CPPED1: variants seen among roughly 807,000 people sequenced by gnomAD.
CPPED1 encodes serine/threonine-protein phosphatase CPPED1.
CPPED1 carries 28 observed loss-of-function variants against 28.0 expected under a neutral mutation model. The observed-to-expected ratio is 1.00, with a 90% CI of 0.74 to 1.37. The LOEUF (loss-of-function observed/expected upper bound fraction) is 1.37, where lower values mean the gene tolerates loss of function less well. Ranked by LOEUF, CPPED1 falls within the 40% of genes most tolerant of loss-of-function variation. The pLI, the probability that CPPED1 is intolerant of heterozygous loss-of-function variation, is 0.00. For missense variants in CPPED1, 504 were observed against 416.5 expected (o/e 1.21, Z -1.83); for synonymous variants, 198 against 180.2 (o/e 1.10, Z -0.79).
intron 3 of CPPED1, among the ~76,000 whole-genome samples, chr16:12,683,539 C>A (rs2079916909): frequency 6.6e-6 from 1 of 152,190 alleles, no homozygotes; most frequent in Admixed American, 6.5e-5. Context: ...GCAAGCTCTG[C>A]AAACTCAACC....
intron 2 of CPPED1, among the ~76,000 whole-genome samples, chr16:12,775,974 C>T (rs750232845): frequency 7.9e-5 from 12 of 152,122 alleles, no homozygotes; most frequent in Non-Finnish European, 1.5e-4. Flanking sequence ...CAGAGATGTT[C>T]GACATCCTAA....
intron 2 of CPPED1, among the ~76,000 whole-genome samples, chr16:12,740,021 G>A (rs576818010): frequency 4.9e-5 from 6 of 122,250 alleles, no homozygotes; most frequent in East Asian, 4.4e-4. Context: ...AAAGAAAGAC[G>A]AAAGAAAGAA....
chr16:12,746,822 T>G (rs1466138401), intron 2 of CPPED1, among the ~76,000 whole-genome samples: 1 of 152,122 alleles, frequency 6.6e-6, no homozygotes, highest in Non-Finnish European at 1.5e-5. Context: ...TGATATCGCT[T>G]GCAGGTGGAC....
intron 2 of CPPED1, among the ~76,000 whole-genome samples, chr16:12,725,754 A>G (rs2080166828): frequency 6.6e-6 from 1 of 152,230 alleles, no homozygotes; most frequent in Non-Finnish European, 1.5e-5. Context: ...GAATGAAAAC[A>G]CGTCTTAGAT....
At chr16:12,688,924 T>G (rs2079947813) in intron 3 of CPPED1, among the ~76,000 whole-genome samples, 1 of 152,230 alleles carries the variant, frequency 6.6e-6, no homozygotes, top group African/African-American at 2.4e-5. Context: ...TGGCCTTACT[T>G]ACCAAGACTG....
At chr16:12,716,179 C>T (rs2080106151) in intron 2 of CPPED1, among the ~76,000 whole-genome samples, 1 of 152,226 alleles carries the variant, frequency 6.6e-6, no homozygotes, top group Non-Finnish European at 1.5e-5. Flanking sequence ...CATGTTACTT[C>T]TGGTCAAGGT....
intron 2 of CPPED1, among the ~76,000 whole-genome samples, chr16:12,727,498 G>A (rs1045834846): frequency 1.3e-5 from 2 of 152,052 alleles, no homozygotes; most frequent in Admixed American, 6.6e-5. Context: ...GACCACAGGC[G>A]TATACCACCA....
chr16:12,690,662 C>CAAAAAAAAAAAAAAAAAAAA (rs748989286), intron 3 of CPPED1, among the ~76,000 whole-genome samples: 1 of 94,678 alleles, frequency 1.1e-5, no homozygotes, highest in African/African-American at 3.5e-5. Flanking sequence ...TAGTTTCTAC[C>CAAAAAAAAAAAAAAAAAAAA]AAAAAAAAAA....
At chr16:12,792,906 T>A (rs2080605285) in intron 1 of CPPED1, among the ~76,000 whole-genome samples, 1 of 152,166 alleles carries the variant, frequency 6.6e-6, no homozygotes, top group South Asian at 2.1e-4. Flanking sequence ...TCTGTCTTTA[T>A]TAGCAGCATG....
intron 2 of CPPED1, among the ~76,000 whole-genome samples, chr16:12,754,870 G>A (rs886240712): frequency 2.0e-5 from 3 of 152,138 alleles, no homozygotes; most frequent in Middle Eastern, 3.4e-3. Flanking sequence ...AAATTAGGCC[G>A]GCATGGTGGT....
chr16:12,771,083 T>C (rs1315828118), intron 2 of CPPED1, among the ~76,000 whole-genome samples: 1 of 152,152 alleles, frequency 6.6e-6, no homozygotes, highest in Non-Finnish European at 1.5e-5. Context: ...AATAAAAAGA[T>C]CCGTATCTAC....
intron 2 of CPPED1, among the ~76,000 whole-genome samples, chr16:12,741,071 A>G (rs2080252737): frequency 6.6e-6 from 1 of 152,234 alleles, no homozygotes; most frequent in Non-Finnish European, 1.5e-5. Flanking sequence ...TTTCTAAAAC[A>G]GGAAAACTGC....
At chr16:12,747,713 C>G (rs542906280) in intron 2 of CPPED1, among the ~76,000 whole-genome samples, 1 of 152,098 alleles carries the variant, frequency 6.6e-6, no homozygotes, top group African/African-American at 2.4e-5. Context: ...CCACCGCGCC[C>G]GGCCTTAACG....
chr16:12,751,476 T>C lies in CPPED1; in HGVS notation c.289+29709A>G, dbSNP rs141043444. On this transcript the variant is annotated intron_variant, in intron 2 of 3. Coordinates refer to ENST00000381774, the MANE Select transcript of CPPED1 (RefSeq NM_018340.3). ...TGGATAGACCTCCTTGAAAAGTCCT[T>C]TTGCTACTGACCTTTCCTCCTTCGT... 1.2e-4 allele frequency among the ~76,000 whole-genome samples: 18 copies of C among 152,330 alleles called. No individual in the cohort carries two copies. In the East Asian group the frequency reaches 3.3e-3, roughly 28 times the overall value.
intron 3 of CPPED1, among the ~76,000 whole-genome samples, chr16:12,690,350 T>C (rs1254629128): frequency 2.6e-5 from 4 of 151,720 alleles, no homozygotes; most frequent in Non-Finnish European, 5.9e-5. Context: ...CCAGTCTTTA[T>C]TGAAAATACA....
intron 1 of CPPED1, among the ~76,000 whole-genome samples, chr16:12,799,701 T>C (rs1385956106): frequency 6.6e-6 from 1 of 152,108 alleles, no homozygotes; most frequent in African/African-American, 2.4e-5. Flanking sequence ...TGTCAATGAG[T>C]GCAATGGAAG....
At chr16:12,736,845 G>A (rs1284144930) in intron 2 of CPPED1, among the ~76,000 whole-genome samples, 1 of 152,130 alleles carries the variant, frequency 6.6e-6, no homozygotes, top group Non-Finnish European at 1.5e-5. Context: ...GTGTTACGGA[G>A]GGAAACCAAG....
At chr16:12,717,175 A>T (rs929257306) in intron 2 of CPPED1, among the ~76,000 whole-genome samples, 3 of 152,320 alleles carry the variant, frequency 2.0e-5, no homozygotes, top group Admixed American at 2.0e-4. Context: ...TCAGAGTAAT[A>T]AAAAGAACTT....
chr16:12,765,851 A>G (rs932620226), intron 2 of CPPED1, among the ~76,000 whole-genome samples: 12 of 151,784 alleles, frequency 7.9e-5, no homozygotes, highest in African/African-American at 2.9e-4. Context: ...ACCTCTCATT[A>G]TTTTTTTTCA....
Sources: gnomAD v4.1 joint callset for allele counts (sites outside exome capture counted in the v4.1 genomes callset) on GRCh38, gnomAD v4.1.1 for gene constraint, MANE v1.5 for transcripts, NCBI Gene and HGNC (gene_info 2026-07-23, HGNC 2026-07-21) for gene names.